Variants in PIEZO2 observed in about 807,000 individuals in gnomAD.
The protein encoded by PIEZO2 is piezo type mechanosensitive ion channel component 2.
A neutral mutation model predicts 337.3 loss-of-function variants in PIEZO2; 172 were observed. That is an observed-to-expected ratio of 0.51 (90% CI 0.45 to 0.58). The LOEUF (loss-of-function observed/expected upper bound fraction) is 0.58. PIEZO2 is among the 20% of genes least tolerant of loss of function. The probability of loss-of-function intolerance (pLI) is 0.00; values close to 1 mark genes in which losing one functional copy is unlikely to be tolerated. For synonymous variants in PIEZO2, 1,251 were observed against 1,228.5 expected, an observed-to-expected ratio of 1.02 and a Z score of -0.38; for missense variants, 3,028 against 3,391.3, an observed-to-expected ratio of 0.89 and a Z score of 2.66.
chr18:10,689,930 C>T, intron 48 of PIEZO2, 128 bp from the exon 49 acceptor site: 1 of 1,117,150 alleles, frequency 9.0e-7, no homozygotes, highest in South Asian at 1.8e-5. Context: ...CTAGGTGACC[C>T]TTCCAGTAAA....
At chr18:10,852,194 T>C (rs1598583569) in intron 7 of PIEZO2, among the ~76,000 whole-genome samples, 1 of 152,246 alleles carries the variant, frequency 6.6e-6, no homozygotes, top group African/African-American at 2.4e-5. Context: ...GTAAATATTA[T>C]GTGAATATGC....
rs145179178 is a variant in PIEZO2 at position 10,901,810 on chromosome 18, A to G, written c.329+9376T>C. On this transcript the variant is annotated intron_variant, in intron 4 of 55. Coordinates refer to ENST00000674853, the MANE Select transcript of PIEZO2 (RefSeq NM_001378183.1). ...AATACAACTTCATCTGATTGAATCT[A>G]TCAAATACAAAGTCAGATCCGGATT... Among the ~76,000 whole-genome samples, 78 of 152,286 alleles carry G rather than the reference A, an allele frequency of 5.1e-4. 1 individual carries two copies. Among genetic ancestry groups the G allele is most frequent in the African/African-American group, 1.9e-3 (77 of 41,552 alleles).
rs558106296 is a variant in PIEZO2, at chr18:10,781,838, C to G, written c.2493-1472G>C. On this transcript the variant is annotated intron_variant, in intron 17 of 55. Coordinates refer to ENST00000674853, the MANE Select transcript of PIEZO2 (RefSeq NM_001378183.1). This position sits in a 1 kb window ranked among gnomAD's most constrained non-coding sequence, Gnocchi z 4.1. The stretch of plus-strand genomic sequence containing the variant: ...GACAACAGTGTGGAAATCAGCTTAA[C>G]GAGCGAATCGGTTATTCCTGATCTG... 6.6e-6 allele frequency among the ~76,000 whole-genome samples: 1 copy of G among 152,038 alleles called. No individual in the cohort carries two copies. The highest frequency in any genetic ancestry group is 2.4e-5 in the African/African-American group (1 of 41,420).
intron 1 of PIEZO2, among the ~76,000 whole-genome samples, chr18:11,134,566 G>A (rs1249601254): frequency 6.6e-6 from 1 of 152,116 alleles, no homozygotes; most frequent in Non-Finnish European, 1.5e-5. Context: ...TAGTCCAAAA[G>A]TCTAGAATTT....
intron 3 of PIEZO2, among the ~76,000 whole-genome samples, chr18:10,970,331 G>T (rs549663106): frequency 6.6e-6 from 1 of 152,296 alleles, no homozygotes; most frequent in Admixed American, 6.5e-5. Flanking sequence ...AGAACCATGG[G>T]GTAGGGAGAA....
chr18:11,139,897 C>A (rs138295464), intron 1 of PIEZO2, among the ~76,000 whole-genome samples: 151 of 152,250 alleles, frequency 9.9e-4, no homozygotes, highest in Admixed American at 2.0e-3. Flanking sequence ...GACTGCCCAT[C>A]GAGTTCTCTT....
rs2035986574 is a variant in PIEZO2, at chr18:10,715,763, G to A, written c.5143C>T (p.Leu1715=). 1.3e-6 allele frequency: 2 copies of A among 1,534,722 alleles called. No individual in the cohort carries two copies. The highest frequency in any genetic ancestry group is 1.7e-6 in the Non-Finnish European group (2 of 1,145,016). ...NILKFTWVLF[L]ATVDSFTTWL... ...GTAGTGAAACTGTCCACTGTTGCCA[G>A]AAATAGGACCCAGGTAAATTTCAAA... The change falls in exon 38 of 56, where the codon CTG becomes TTG. Residue 1715 remains leucine, a synonymous_variant. Coordinates refer to ENST00000674853, the MANE Select transcript of PIEZO2 (RefSeq NM_001378183.1).
chr18:10,755,990 AT>A (rs2037825688), intron 27 of PIEZO2, among the ~76,000 whole-genome samples: 3 of 89,840 alleles, frequency 3.3e-5, no homozygotes, highest in Admixed American at 1.1e-4. Flanking sequence ...AAGATGGAGG[AT>A]GAGGAGGAGG....
At chr18:11,008,245 T>C (rs1270916390) in intron 2 of PIEZO2, among the ~76,000 whole-genome samples, 4 of 152,188 alleles carry the variant, frequency 2.6e-5, no homozygotes, top group Non-Finnish European at 5.9e-5. Context: ...TGAGCCACAA[T>C]TCATGTTCCA....
chr18:10,913,426 T>G (rs1037054413), intron 3 of PIEZO2, among the ~76,000 whole-genome samples: 22 of 152,174 alleles, frequency 1.4e-4, no homozygotes, highest in African/African-American at 5.3e-4. Context: ...GAGGTTGAGA[T>G]GCTGCTCGGC....
chr18:11,024,616 G>T (rs1026118890), intron 2 of PIEZO2, among the ~76,000 whole-genome samples: 1 of 151,542 alleles, frequency 6.6e-6, no homozygotes, highest in Admixed American at 6.6e-5. Flanking sequence ...AAGATAAAAA[G>T]ATATAAGGTC....
At position 11,055,811 on chromosome 18, in the gene PIEZO2, C is replaced by A. The variant is rs559357367; in HGVS notation, c.160+10316G>T. 2.6e-5 allele frequency among the ~76,000 whole-genome samples: 4 copies of A among 152,310 alleles called. No individual in the cohort carries two copies. In the South Asian group the frequency reaches 6.2e-4, roughly 24 times the overall value. ...TCTGAGCCGCGCTGGGCCTGGGCTG[C>A]AGCATCTGGCCGAGTGTGTGCACCC... On this transcript the variant is annotated intron_variant, in intron 2 of 55. Coordinates refer to ENST00000674853, the MANE Select transcript of PIEZO2 (RefSeq NM_001378183.1).
intron 39 of PIEZO2, among the ~76,000 whole-genome samples, chr18:10,710,348 C>G (rs2035767971): frequency 6.6e-6 from 1 of 152,164 alleles, no homozygotes; most frequent in South Asian, 2.1e-4. Context: ...CGACAGTAGG[C>G]CCAAGGGGAC....
At chr18:10,826,925 T>C (rs1168599563) in intron 7 of PIEZO2, among the ~76,000 whole-genome samples, 2 of 152,176 alleles carry the variant, frequency 1.3e-5, no homozygotes, top group Admixed American at 1.3e-4. Flanking sequence ...TTTATTCTTT[T>C]CCAAAAAGTC....
chr18:10,744,513 C>A (rs1476478925), intron 30 of PIEZO2, among the ~76,000 whole-genome samples: 3 of 152,142 alleles, frequency 2.0e-5, no homozygotes, highest in African/African-American at 7.2e-5. Flanking sequence ...GACATTGACA[C>A]CCACGAGCCT....
In PIEZO2 at chr18:10,801,351, T is replaced by G. The variant is rs544589606; in HGVS notation, c.1239+39A>C. 108 of 1,442,562 alleles carry G rather than the reference T, an allele frequency of 7.5e-5. 1 individual carries two copies. Among genetic ancestry groups the G allele is most frequent in the Admixed American group, 3.2e-4 (16 of 50,190 alleles). The allele number at this position is 1,442,562 out of a possible 1,614,324, so 89.4% of individuals were successfully genotyped here. On this transcript the variant is annotated intron_variant, in intron 10 of 55. Coordinates refer to ENST00000674853, the MANE Select transcript of PIEZO2 (RefSeq NM_001378183.1). ...CTTCCATTTGTTGCCTTTACATCACTTACACATGCATAAATGATAATTCTA... is the reference window on the plus strand; with the variant it reads ...CTTCCATTTGTTGCCTTTACATCACGTACACATGCATAAATGATAATTCTA...
At chr18:10,691,922 A>C (rs8092375) in intron 47 of PIEZO2, among the ~76,000 whole-genome samples, 11,846 of 150,972 alleles carry the variant, frequency 0.078, 555 homozygotes, top group African/African-American at 0.13. Flanking sequence ...CTCTGGAAAC[A>C]CCTGGATTTG....
Position 10,846,965 on chromosome 18 carries a change from A to G in PIEZO2, c.917+8388T>C, listed in dbSNP as rs1445705683. On this transcript the variant is annotated intron_variant, in intron 7 of 55. Transcript: ENST00000674853. The surrounding 1 kb of genome is among the most constrained non-coding windows in gnomAD (Gnocchi z 4.1). The stretch of plus-strand genomic sequence containing the variant: ...ACAATAAAAATCAGTAGCACTTGAT[A>G]TGCTCTCTCCTGCTTACTACACCCA... Among the ~76,000 whole-genome samples, 1 of 152,200 alleles carries G rather than the reference A, an allele frequency of 6.6e-6. No individual in the cohort carries two copies. Among genetic ancestry groups the G allele is most frequent in the African/African-American group, 2.4e-5 (1 of 41,458 alleles).
intron 5 of PIEZO2, among the ~76,000 whole-genome samples, chr18:10,864,021 T>A (rs1474070358): frequency 6.6e-6 from 1 of 152,126 alleles, no homozygotes; most frequent in African/African-American, 2.4e-5. Flanking sequence ...AAATAAAAAA[T>A]TTATACAGTG....
Sources: gnomAD v4.1 joint callset for allele counts (sites outside exome capture counted in the v4.1 genomes callset) on GRCh38, gnomAD v4.1.1 for gene constraint, Gnocchi (gnomAD v3.1) non-coding constraint, MANE v1.5 for transcripts, NCBI Gene and HGNC (gene_info 2026-07-23, HGNC 2026-07-21) for gene names.